Variants in KCNN2 observed in about 807,000 individuals in gnomAD.
KCNN2 encodes potassium calcium-activated channel subfamily N member 2.
A neutral mutation model predicts 55.5 loss-of-function variants in KCNN2; 24 were observed. The observed-to-expected ratio is 0.43, with a 90% confidence interval of 0.31 to 0.61. The LOEUF (loss-of-function observed/expected upper bound fraction) is 0.61, where lower values mean the gene tolerates loss of function less well. KCNN2 is among the 20% of genes least tolerant of loss of function. The probability of loss-of-function intolerance (pLI) is 0.08; values close to 1 mark genes in which losing one functional copy is unlikely to be tolerated. For missense variants in KCNN2, 754 were observed against 853.6 expected (o/e 0.88, Z 1.45); for synonymous variants, 431 against 336.1 (o/e 1.28, Z -3.09).
At chr5:114,404,923 A>G (rs1758885380) in intron 3 of KCNN2, 67 bp downstream of exon 3, 8 of 1,433,854 alleles carry the variant, frequency 5.6e-6, no homozygotes, top group Non-Finnish European at 6.6e-6. Flanking sequence ...AGAAAAAAAA[A>G]ATTTTAGACT....
chr5:114,194,668 T>C (rs1170220805), intron 1 of KCNN2, among the ~76,000 whole-genome samples: 1 of 152,116 alleles, frequency 6.6e-6, no homozygotes, highest in Non-Finnish European at 1.5e-5. Flanking sequence ...AATTTATTGA[T>C]GTTATTATTT....
chr5:114,462,265 A>G (rs1761239715), intron 3 of KCNN2, among the ~76,000 whole-genome samples: 1 of 152,202 alleles, frequency 6.6e-6, no homozygotes, highest in Non-Finnish European at 1.5e-5. Flanking sequence ...CCTGTTTCTG[A>G]TATAAAAGCT....
chr5:114,290,340 A>C (rs1181646762), intron 2 of KCNN2, among the ~76,000 whole-genome samples: 1 of 152,104 alleles, frequency 6.6e-6, no homozygotes, highest in African/African-American at 2.4e-5. Context: ...GTATATTTCC[A>C]TGAATTTATA....
At chr5:114,359,672 G>A (rs974092437), upstream of KCNN2, among the ~76,000 whole-genome samples, 1 of 152,032 alleles carries the variant, frequency 6.6e-6, no homozygotes, top group Non-Finnish European at 1.5e-5. Context: ...TTTATGAACG[G>A]CTAATAAAAA....
intron 3 of KCNN2, among the ~76,000 whole-genome samples, chr5:114,422,125 T>C (rs762722914): frequency 3.9e-5 from 6 of 152,164 alleles, no homozygotes; most frequent in Non-Finnish European, 8.8e-5. Context: ...AGAATGTGAG[T>C]TAATCAGAAA....
chr5:114,207,106 A>G (rs1452621706), intron 1 of KCNN2, among the ~76,000 whole-genome samples: 1 of 152,096 alleles, frequency 6.6e-6, no homozygotes, highest in Non-Finnish European at 1.5e-5. Context: ...GCTGTTATCG[A>G]TGGGAGCTGA....
intron 2 of KCNN2, among the ~76,000 whole-genome samples, chr5:114,384,906 G>A (rs995594549): frequency 4.6e-5 from 7 of 152,142 alleles, no homozygotes; most frequent in Non-Finnish European, 7.3e-5. Context: ...AATAAATTAT[G>A]AGTCCTTAAG....
At chr5:114,230,286 TC>T (rs150635378) in intron 2 of KCNN2, among the ~76,000 whole-genome samples, 51,532 of 138,202 alleles carry the variant, frequency 0.37, 10,166 homozygotes, top group East Asian at 0.72. Context: ...TTTCTTTCTT[TC>T]TTTTTTTTAT....
chr5:114,429,776 G>GT (rs1362062288), intron 3 of KCNN2, among the ~76,000 whole-genome samples: 1 of 138,976 alleles, frequency 7.2e-6, no homozygotes, highest in East Asian at 2.2e-4. Flanking sequence ...GGTTTTGGGG[G>GT]TTTTTTTGTG....
chr5:114,192,120 A>G (rs1336811491), intron 1 of KCNN2, among the ~76,000 whole-genome samples: 1 of 152,202 alleles, frequency 6.6e-6, no homozygotes, highest in Non-Finnish European at 1.5e-5. Flanking sequence ...TCTAATGGAC[A>G]TTGCCAGCTT....
chr5:114,233,187 T>C (rs921099706), intron 2 of KCNN2, among the ~76,000 whole-genome samples: 6 of 151,726 alleles, frequency 4.0e-5, no homozygotes, highest in Non-Finnish European at 8.8e-5. Flanking sequence ...CCCAAAGTGC[T>C]GGGATTACAG....
At chr5:114,268,922 C>A (rs1392511619) in intron 2 of KCNN2, among the ~76,000 whole-genome samples, 1 of 151,822 alleles carries the variant, frequency 6.6e-6, no homozygotes, top group African/African-American at 2.4e-5. Context: ...CCTCAGGTCT[C>A]CCAGCCATCT....
chr5:114,132,024 A>G (rs537620905), intron 1 of KCNN2, among the ~76,000 whole-genome samples: 5 of 152,222 alleles, frequency 3.3e-5, no homozygotes, highest in African/African-American at 1.2e-4. Flanking sequence ...GATTCTGGAT[A>G]TTAGACGTTT....
chr5:114,244,616 G>A (rs142338946), intron 2 of KCNN2, among the ~76,000 whole-genome samples: 1 of 151,654 alleles, frequency 6.6e-6, no homozygotes, highest in African/African-American at 2.4e-5. Flanking sequence ...GGGGTTATTG[G>A]GGGGAGTGTG....
chr5:114,202,175 C>T (rs375153802), intron 1 of KCNN2, among the ~76,000 whole-genome samples: 12 of 152,050 alleles, frequency 7.9e-5, no homozygotes, highest in African/African-American at 2.9e-4. Flanking sequence ...TGCGGCTGCT[C>T]CAGGGTTGGA....
rs61070958 is a variant in KCNN2, at chr5:114,140,762, CATTATTATTATTATTATT to C, written c.-270-80693_-270-80676del. 5.7e-3 allele frequency among the ~76,000 whole-genome samples: 798 copies of C among 139,904 alleles called. 8 individuals are homozygous for C. Among genetic ancestry groups the C allele is most frequent in the African/African-American group, 0.02 (754 of 37,816 alleles). The allele number at this position is 139,904 out of a possible 152,430, so 91.8% of individuals were successfully genotyped here. On this transcript the variant is annotated intron_variant, in intron 1 of 10. Coordinates refer to the KCNN2 transcript ENST00000512097. ...TATTGCAAAACATTACTGTCATCCT[CATTATTATTATTATTATT>C]ATTATTATTATTATTATTATTATTT...
At chr5:114,198,398 G>GTATA (rs1286176068) in intron 1 of KCNN2, among the ~76,000 whole-genome samples, 1 of 148,644 alleles carries the variant, frequency 6.7e-6, no homozygotes, top group Non-Finnish European at 1.5e-5. Flanking sequence ...ATGTGTATGT[G>GTATA]TATATATATC....
In KCNN2 at chr5:114,171,003, A is replaced by C. The variant is rs551086832; in HGVS notation, c.-270-50477A>C. ...TTTGGCTTCAGTCTGGGAGGCTCAAAATTATATTTGTTAGCCAGCTTTAAC... is the reference window on the plus strand; with the variant it reads ...TTTGGCTTCAGTCTGGGAGGCTCAACATTATATTTGTTAGCCAGCTTTAAC... On this transcript the variant is annotated intron_variant, in intron 1 of 10. Transcript: ENST00000512097. 2.6e-5 allele frequency among the ~76,000 whole-genome samples: 4 copies of C among 152,124 alleles called. No individual in the cohort carries two copies. The East Asian group carries it at 5.8e-4, about 22-fold the overall frequency.
intron 1 of KCNN2, among the ~76,000 whole-genome samples, chr5:114,217,309 A>T (rs1021604662): frequency 6.6e-6 from 1 of 152,156 alleles, no homozygotes; most frequent in Admixed American, 6.5e-5. Context: ...ATACCGAAGA[A>T]AAACAAAGTT....
Sources: allele counts gnomAD v4.1 joint callset (sites outside exome capture counted in the v4.1 genomes callset), GRCh38; gene constraint gnomAD v4.1.1; transcripts MANE v1.5; gene names NCBI Gene and HGNC (gene_info 2026-07-23, HGNC 2026-07-21).